The following CYP7B1 variants were observed in gnomAD, a reference collection of about 807,000 sequenced individuals.
CYP7B1 encodes cytochrome P450 7B1.
In CYP7B1, 29 loss-of-function variants were observed where a neutral mutation model predicts 42.7. The ratio of observed to expected loss-of-function variants is 0.68; its 90% CI spans 0.51 to 0.93. The LOEUF (loss-of-function observed/expected upper bound fraction) is 0.93. CYP7B1 is among the 40% of genes least tolerant of loss of function. The pLI is 0.00. For synonymous variants in CYP7B1, 235 were observed against 218.2 expected (o/e 1.08, Z -0.68); for missense variants, 655 against 600.5 (o/e 1.09, Z -0.95).
At chr8:64,731,143 C>T (rs759350243) in intron 1 of CYP7B1, among the ~76,000 whole-genome samples, 33 of 152,026 alleles carry the variant, frequency 2.2e-4, no homozygotes, top group Non-Finnish European at 3.4e-4. Context: ...TTATTAGCAG[C>T]GGGAGAATGG....
At chr8:64,619,027 G>C (rs1349876520) in intron 2 of CYP7B1, among the ~76,000 whole-genome samples, 1 of 152,088 alleles carries the variant, frequency 6.6e-6, no homozygotes, top group Non-Finnish European at 1.5e-5. Context: ...TGTGGGTTTG[G>C]AAGTACTAAT....
chr8:64,772,225 T>C (rs1804246652), intron 1 of CYP7B1, among the ~76,000 whole-genome samples: 1 of 152,172 alleles, frequency 6.6e-6, no homozygotes, highest in African/African-American at 2.4e-5. Context: ...ATATGCAAGA[T>C]CCCATCTCTG....
chr8:64,793,838 C>T lies in CYP7B1; in HGVS notation c.122+4628G>A, dbSNP rs1251930527. Among the ~76,000 whole-genome samples the T allele has an allele frequency of 9.9e-5, 15 of 151,546 alleles. No individual in the cohort carries two copies. The East Asian group carries it at 2.5e-3, about 25-fold the overall frequency. Reference sequence around the variant, plus strand: ...ATAAGCATAACAAAGAAAAGAAAAACCATCCCATAGAAATATGTCACCTAG... The same window carrying T: ...ATAAGCATAACAAAGAAAAGAAAAATCATCCCATAGAAATATGTCACCTAG... On this transcript the variant is annotated intron_variant, in intron 1 of 5. Transcript: ENST00000310193.
intron 1 of CYP7B1, among the ~76,000 whole-genome samples, chr8:64,643,190 TATAC>T (rs905999614): frequency 3.5e-4 from 29 of 83,532 alleles, no homozygotes; most frequent in Admixed American, 5.3e-4. Flanking sequence ...TACATATATA[TATAC>T]ACACACACAC....
In CYP7B1 at chr8:64,741,539, G is replaced by A. The variant is rs142222763; in HGVS notation, c.122+56927C>T. On this transcript the variant is annotated intron_variant, in intron 1 of 5. Transcript: ENST00000310193. ...TCTCCATGTTGGTCAGGCTGGTCTCGAACTCCTGACCTCAGGTGATCCCCC... is the reference window on the plus strand; with the variant it reads ...TCTCCATGTTGGTCAGGCTGGTCTCAAACTCCTGACCTCAGGTGATCCCCC... Among the ~76,000 whole-genome samples the A allele has an allele frequency of 9.3e-3, 1,411 of 152,132 alleles. 19 individuals are homozygous for A. The highest frequency in any genetic ancestry group is 0.032 in the African/African-American group (1,309 of 41,502).
At chr8:64,779,874 T>C (rs1371290183) in intron 1 of CYP7B1, among the ~76,000 whole-genome samples, 1 of 152,146 alleles carries the variant, frequency 6.6e-6, no homozygotes, top group Non-Finnish European at 1.5e-5. Flanking sequence ...ACTATCTACC[T>C]ATGCCAGGAA....
At chr8:64,752,329 A>G (rs542644338) in intron 1 of CYP7B1, among the ~76,000 whole-genome samples, 46 of 152,100 alleles carry the variant, frequency 3.0e-4, no homozygotes, top group Non-Finnish European at 5.9e-4. Flanking sequence ...TTTGGAATAT[A>G]TTTTCATAAT....
intron 1 of CYP7B1, among the ~76,000 whole-genome samples, chr8:64,777,324 G>C (rs1420369048): frequency 6.6e-6 from 1 of 152,024 alleles, no homozygotes; most frequent in East Asian, 1.9e-4. Context: ...CATAGCAATA[G>C]CACTTACGCT....
At chr8:64,670,733 G>A (rs575821862) in intron 1 of CYP7B1, among the ~76,000 whole-genome samples, 48 of 152,324 alleles carry the variant, frequency 3.2e-4, no homozygotes, top group Middle Eastern at 3.4e-3. Flanking sequence ...CGAGAAAGCC[G>A]CCCAACTGGG....
At chr8:64,613,730 T>A (rs2129630139) in intron 4 of CYP7B1, among the ~76,000 whole-genome samples, 1 of 152,304 alleles carries the variant, frequency 6.6e-6, no homozygotes, top group East Asian at 1.9e-4. Context: ...ATTTATTTGA[T>A]AACCTATGCT....
At chr8:64,647,010 T>C (rs1805963492) in intron 1 of CYP7B1, among the ~76,000 whole-genome samples, 1 of 152,246 alleles carries the variant, frequency 6.6e-6, no homozygotes, top group Non-Finnish European at 1.5e-5. Context: ...AGCTTAATCA[T>C]TTCTCGCTTT....
rs145167869 is a variant in CYP7B1 at position 64,756,883 on chromosome 8, C to A, written c.122+41583G>T. The stretch of plus-strand genomic sequence containing the variant: ...AAAATAACAGTGCATTTTCTAAGAA[C>A]TTTCATCTTCAGTTTGTGCTTACCC... On this transcript the variant is annotated intron_variant, in intron 1 of 5. Transcript: ENST00000310193. Among the ~76,000 whole-genome samples, 7 of 152,270 alleles carry A rather than the reference C, an allele frequency of 4.6e-5. No homozygotes were observed. The East Asian group carries it at 1.2e-3, about 25-fold the overall frequency.
intron 1 of CYP7B1, among the ~76,000 whole-genome samples, chr8:64,716,688 C>T (rs989232915): frequency 6.6e-6 from 1 of 152,196 alleles, no homozygotes; most frequent in Non-Finnish European, 1.5e-5. Flanking sequence ...GCTCGGGCAA[C>T]AGAGAGAGAC....
At chr8:64,712,996 G>T (rs967579778) in intron 1 of CYP7B1, among the ~76,000 whole-genome samples, 1 of 152,040 alleles carries the variant, frequency 6.6e-6, no homozygotes, top group Non-Finnish European at 1.5e-5. Context: ...ACACCTAAAT[G>T]ATCTTCTCTC....
Position 64,595,806 on chromosome 8 carries a change from A to G in CYP7B1, c.*836T>C, listed in dbSNP as rs1401341534. ...TATGAAAGCATTTAGGAAAGGGTTAATTGCAATATTTGCATAACCTGTATA... is the reference window on the plus strand; with the variant it reads ...TATGAAAGCATTTAGGAAAGGGTTAGTTGCAATATTTGCATAACCTGTATA... On this transcript the variant is annotated 3_prime_UTR_variant, in exon 6 of 6. Coordinates refer to ENST00000310193, the MANE Select transcript of CYP7B1 (RefSeq NM_004820.5). Among the ~76,000 whole-genome samples, 1 of 152,256 alleles carries G rather than the reference A, an allele frequency of 6.6e-6. No homozygotes were observed. Among genetic ancestry groups the G allele is most frequent in the East Asian group, 1.9e-4 (1 of 5,204 alleles).
At chr8:64,788,729 G>GT (rs1229302612) in intron 1 of CYP7B1, among the ~76,000 whole-genome samples, 1 of 152,168 alleles carries the variant, frequency 6.6e-6, no homozygotes, top group Non-Finnish European at 1.5e-5. Context: ...AATTACAAGT[G>GT]TTTTTGGTCC....
At chr8:64,674,076 GAGCCA>G (rs1382795945) in intron 1 of CYP7B1, among the ~76,000 whole-genome samples, 3 of 152,016 alleles carry the variant, frequency 2.0e-5, no homozygotes, top group African/African-American at 7.2e-5. Context: ...CTTGTTGACA[GAGCCA>G]AGAAGTGAAT....
At chr8:64,632,625 TA>T (rs989872462) in intron 1 of CYP7B1, among the ~76,000 whole-genome samples, 1 of 151,228 alleles carries the variant, frequency 6.6e-6, no homozygotes, top group Non-Finnish European at 1.5e-5. Context: ...TCAACCAATG[TA>T]AAAAAAAATC....
Position 64,704,509 on chromosome 8 carries a change from T to G in CYP7B1, c.123-79970A>C, listed in dbSNP as rs187135158. Among the ~76,000 whole-genome samples the G allele has an allele frequency of 2.0e-3, 300 of 152,188 alleles. 1 individual carries two copies. Among genetic ancestry groups the G allele is most frequent in the African/African-American group, 6.7e-3 (279 of 41,542 alleles). ...TAATATGTATCAGAACATAGAAAAT[T>G]GTCAGGAAAAGGTATAACCTTATTT... is the stretch of plus-strand genomic sequence containing the variant. On this transcript the variant is annotated intron_variant, in intron 1 of 5. Transcript: ENST00000310193.
Sources: allele counts gnomAD v4.1 joint callset (sites outside exome capture counted in the v4.1 genomes callset), GRCh38; gene constraint gnomAD v4.1.1; transcripts MANE v1.5; gene names NCBI Gene and HGNC (gene_info 2026-07-23, HGNC 2026-07-21).